NYAP2: variants seen among roughly 807,000 people sequenced by gnomAD.
NYAP2 encodes the protein neuronal tyrosine-phosphorylated phosphoinositide-3-kinase adapter 2.
NYAP2 carries 23 observed loss-of-function variants against 50.4 expected under a neutral mutation model. The ratio of observed to expected loss-of-function variants is 0.46; its 90% CI spans 0.33 to 0.65. The LOEUF (loss-of-function observed/expected upper bound fraction) is 0.65. Among genes scored for constraint, NYAP2 ranks in the 30% least tolerant of loss-of-function variants. The pLI, the probability that NYAP2 is intolerant of heterozygous loss-of-function variation, is 0.02. For missense variants in NYAP2, 885 were observed against 861.0 expected, an observed-to-expected ratio of 1.03 and a Z score of -0.35; for synonymous variants, 394 against 365.2, an observed-to-expected ratio of 1.08 and a Z score of -0.90.
At chr2:225,519,768 A>G (rs1213178954) in intron 4 of NYAP2, among the ~76,000 whole-genome samples, 5 of 152,014 alleles carry the variant, frequency 3.3e-5, no homozygotes, top group African/African-American at 9.7e-5. Flanking sequence ...ATGATTTATA[A>G]TCCTTTGGGT....
chr2:225,559,274 G>T (rs1408866581), intron 4 of NYAP2, among the ~76,000 whole-genome samples: 2 of 151,658 alleles, frequency 1.3e-5, no homozygotes, highest in African/African-American at 4.9e-5. Flanking sequence ...GAAAAAGCTT[G>T]CCAACTCCAT....
intron 5 of NYAP2, among the ~76,000 whole-genome samples, chr2:225,587,826 T>C (rs759375054): frequency 5.5e-5 from 5 of 90,910 alleles, no homozygotes; most frequent in South Asian, 8.7e-4. Flanking sequence ...GTCTTGGCAT[T>C]ACAAAAAAAA....
At position 225,582,768 on chromosome 2, in the gene NYAP2, C is replaced by T. The variant is rs1692317507; in HGVS notation, c.1351C>T (p.Leu451Phe). ...GGGGAGGTCCCTGACTCCCCTGAGC[C>T]TCAAAAGGCCTCCCCCTTACGACGC... The change falls in exon 5 of 7, where the codon CTC (leucine) becomes TTC (phenylalanine). Residue 451 changes from leucine to phenylalanine, a missense_variant. By Grantham distance (22) the Leu-to-Phe change is conservative. Transcript: ENST00000636099. This position sits in a 1 kb window ranked among gnomAD's most constrained non-coding sequence, Gnocchi z 7.0. 2 of 1,613,892 alleles carry T rather than the reference C, an allele frequency of 1.2e-6. No homozygotes were observed. Among genetic ancestry groups the T allele is most frequent in the South Asian group, 1.1e-5 (1 of 91,072 alleles).
chr2:225,647,534 C>A (rs1199217906), intron 6 of NYAP2, among the ~76,000 whole-genome samples: 1 of 152,166 alleles, frequency 6.6e-6, no homozygotes, highest in African/African-American at 2.4e-5. Context: ...TCCCCTCTAA[C>A]TGGAATCACT....
chr2:225,411,305 TTC>T (rs1375648493), intron 3 of NYAP2, among the ~76,000 whole-genome samples: 10 of 152,254 alleles, frequency 6.6e-5, no homozygotes, highest in Non-Finnish European at 1.5e-4. Flanking sequence ...CTCAGGTTTG[TTC>T]TGTTGTTGTT....
the NYAP2 span, among the ~76,000 whole-genome samples, chr2:225,670,834 C>T: frequency 6.6e-6 from 1 of 152,038 alleles, no homozygotes; most frequent in East Asian, 1.9e-4. Context: ...AAGCAAGTCT[C>T]AATAATTTTT....
chr2:225,513,353 G>T lies in NYAP2; in HGVS notation c.222-18G>T, dbSNP rs1388822652. 2 of 1,612,510 alleles carry T rather than the reference G, an allele frequency of 1.2e-6. No individual in the cohort carries two copies. Among genetic ancestry groups the T allele is most frequent in the South Asian group, 1.1e-5 (1 of 90,878 alleles). On this transcript the variant is annotated intron_variant, in intron 3 of 6. Transcript: ENST00000636099. ...GCTCCTTTTGTCTTCATGGTTTTTG[G>T]TCTGCTTTCTTTTACAGCATAGGTG... is the stretch of plus-strand genomic sequence containing the variant.
intron 4 of NYAP2, among the ~76,000 whole-genome samples, chr2:225,569,920 C>G (rs2106221125): frequency 6.6e-6 from 1 of 152,248 alleles, no homozygotes; most frequent in Non-Finnish European, 1.5e-5. Flanking sequence ...TACATTGTCT[C>G]CAATTCTTTT....
intron 3 of NYAP2, among the ~76,000 whole-genome samples, chr2:225,415,279 A>G (rs1457199992): frequency 2.6e-5 from 4 of 152,214 alleles, no homozygotes; most frequent in African/African-American, 9.6e-5. Context: ...CTGTTACTCA[A>G]AAAGAACCAC....
intron 3 of NYAP2, among the ~76,000 whole-genome samples, chr2:225,413,958 G>A (rs1173263563): frequency 6.6e-6 from 1 of 152,118 alleles, no homozygotes; most frequent in Non-Finnish European, 1.5e-5. Context: ...GCCAAGGATT[G>A]CTTAAAAAAT....
chr2:225,615,738 T>C (rs114969939), intron 5 of NYAP2, among the ~76,000 whole-genome samples: 5,504 of 152,142 alleles, frequency 0.036, 147 homozygotes, highest in Non-Finnish European at 0.057. Context: ...CTGGAGCTGA[T>C]TGGAGCTGAT....
At chr2:225,578,912 T>G (rs1692215759) in intron 4 of NYAP2, among the ~76,000 whole-genome samples, 1 of 152,156 alleles carries the variant, frequency 6.6e-6, no homozygotes, top group Admixed American at 6.5e-5. Flanking sequence ...CTCACAATTC[T>G]TGGGGCTAAA....
At chr2:225,609,310 G>A (rs1481840801) in intron 5 of NYAP2, among the ~76,000 whole-genome samples, 1 of 152,074 alleles carries the variant, frequency 6.6e-6, no homozygotes, top group Non-Finnish European at 1.5e-5. Context: ...CTTCTTACAT[G>A]AGCCTACCTG....
the NYAP2 span, among the ~76,000 whole-genome samples, chr2:225,663,124 T>A: frequency 3.3e-5 from 5 of 152,320 alleles, no homozygotes; most frequent in East Asian, 9.6e-4. Flanking sequence ...ACTGTAAGCA[T>A]GCATGGAGCA....
At chr2:225,474,984 A>G (rs779161158) in intron 3 of NYAP2, among the ~76,000 whole-genome samples, 1 of 152,200 alleles carries the variant, frequency 6.6e-6, no homozygotes, top group Admixed American at 6.5e-5. Flanking sequence ...AAGCATCTGT[A>G]TTTGTTTGCA....
chr2:225,533,532 C>G (rs2106198688), intron 4 of NYAP2, among the ~76,000 whole-genome samples: 1 of 152,104 alleles, frequency 6.6e-6, no homozygotes, highest in East Asian at 1.9e-4. Flanking sequence ...ACTAAAAATA[C>G]AAAACAAATA....
intron 3 of NYAP2, among the ~76,000 whole-genome samples, chr2:225,481,610 A>G (rs971407308): frequency 1.3e-5 from 2 of 152,166 alleles, no homozygotes; most frequent in Non-Finnish European, 2.9e-5. Context: ...TAAATTAATA[A>G]TGTTTACCTG....
intron 5 of NYAP2, among the ~76,000 whole-genome samples, chr2:225,599,100 C>T (rs1376595524): frequency 6.6e-6 from 1 of 152,112 alleles, no homozygotes; most frequent in Non-Finnish European, 1.5e-5. Flanking sequence ...CTCTCTCATT[C>T]TTCTAAGAAT....
chr2:225,520,937 C>G (rs1275414711), intron 4 of NYAP2, among the ~76,000 whole-genome samples: 1 of 151,588 alleles, frequency 6.6e-6, no homozygotes, highest in South Asian at 2.1e-4. Context: ...TTTGTATCCT[C>G]TTTTATTTCA....
Sources: gnomAD v4.1 joint callset for allele counts (sites outside exome capture counted in the v4.1 genomes callset) on GRCh38, gnomAD v4.1.1 for gene constraint, Gnocchi (gnomAD v3.1) non-coding constraint, MANE v1.5 for transcripts, NCBI Gene and HGNC (gene_info 2026-07-23, HGNC 2026-07-21) for gene names.